SDHAF3: variants seen among roughly 807,000 people sequenced by gnomAD.
SDHAF3 encodes succinate dehydrogenase assembly factor 3, mitochondrial.
A neutral mutation model predicts 11.5 loss-of-function variants in SDHAF3; 18 were observed. The observed-to-expected ratio is 1.56, with a 90% CI of 1.08 to 2.32. The LOEUF (loss-of-function observed/expected upper bound fraction) is 2.32. Ranked by LOEUF, SDHAF3 falls within the 30% of genes most tolerant of loss-of-function variation. The pLI is 0.00. For missense variants in SDHAF3, 200 were observed against 154.4 expected, an observed-to-expected ratio of 1.30 and a Z score of -1.57; for synonymous variants, 72 against 59.3, an observed-to-expected ratio of 1.21 and a Z score of -0.99.
At chr7:97,145,733 C>G (rs931467584) in intron 1 of SDHAF3, among the ~76,000 whole-genome samples, 1 of 152,164 alleles carries the variant, frequency 6.6e-6, no homozygotes, top group African/African-American at 2.4e-5. Flanking sequence ...TTCCCTGTCG[C>G]TGTCAAGTGT....
intron 1 of SDHAF3, among the ~76,000 whole-genome samples, chr7:97,148,134 T>G (rs1309458942): frequency 6.6e-6 from 1 of 152,008 alleles, no homozygotes; most frequent in Non-Finnish European, 1.5e-5. Context: ...CCCCAAGTGA[T>G]CCACCTCAGC....
At chr7:97,176,694 A>AG (rs1368404151) in intron 1 of SDHAF3, among the ~76,000 whole-genome samples, 6 of 152,132 alleles carry the variant, frequency 3.9e-5, no homozygotes, top group African/African-American at 1.4e-4. Context: ...CTTTCTACCC[A>AG]AGATGTTCAT....
At chr7:97,164,233 CTT>C (rs148658215) in intron 1 of SDHAF3, among the ~76,000 whole-genome samples, 3 of 144,182 alleles carry the variant, frequency 2.1e-5, no homozygotes, top group East Asian at 4.1e-4. Context: ...CGCCTGGCCT[CTT>C]TTTTTTTTTG....
chr7:97,147,515 A>C (rs1789154051), intron 1 of SDHAF3, among the ~76,000 whole-genome samples: 1 of 152,194 alleles, frequency 6.6e-6, no homozygotes, highest in African/African-American at 2.4e-5. Context: ...GCATCATTGT[A>C]GGGTACTTAG....
chr7:97,139,590 T>C (rs1359096297), intron 1 of SDHAF3, among the ~76,000 whole-genome samples: 8 of 152,190 alleles, frequency 5.3e-5, no homozygotes, highest in Admixed American at 5.2e-4. Context: ...ATAGCTTGAC[T>C]TTTAGGCTTT....
intron 1 of SDHAF3, among the ~76,000 whole-genome samples, chr7:97,140,656 A>G (rs540066002): frequency 1.3e-5 from 2 of 152,180 alleles, no homozygotes; most frequent in Non-Finnish European, 2.9e-5. Context: ...TGAAGATTTC[A>G]TGGACACTTA....
In SDHAF3 at chr7:97,131,306, A is replaced by G. The variant is rs895216583; in HGVS notation, c.174+13409A>G. ...CTTCTTAATCATCTTTTTATCTTCT[A>G]CACTTCTAGCACAATATCTTGTAAA... On this transcript the variant is annotated intron_variant, in intron 1 of 1. Transcript: ENST00000432641. 2.6e-5 allele frequency among the ~76,000 whole-genome samples: 4 copies of G among 152,150 alleles called. 1 individual carries two copies. The highest frequency in any genetic ancestry group is 5.9e-5 in the Non-Finnish European group (4 of 68,026).
At chr7:97,140,870 T>G (rs992083610) in intron 1 of SDHAF3, among the ~76,000 whole-genome samples, 3 of 152,230 alleles carry the variant, frequency 2.0e-5, no homozygotes, top group African/African-American at 7.2e-5. Context: ...ACAGCAATGT[T>G]CAGGGAACAA....
At chr7:97,140,407 G>A (rs1191942557) in intron 1 of SDHAF3, among the ~76,000 whole-genome samples, 6 of 145,250 alleles carry the variant, frequency 4.1e-5, no homozygotes, top group African/African-American at 1.3e-4. Flanking sequence ...GGGCAGTGGC[G>A]TGATCTTGGC....
chr7:97,154,178 G>GA lies in SDHAF3; in HGVS notation c.175-26833dup, dbSNP rs1170574905. On this transcript the variant is annotated intron_variant, in intron 1 of 1. Coordinates refer to ENST00000432641, the MANE Select transcript of SDHAF3 (RefSeq NM_020186.3). ...ACAAAGAACCTTCTTAAGGGTGGGG[G>GA]AGATTACAAAGAACCTTCTTAAGGG... Among the ~76,000 whole-genome samples the GA allele has an allele frequency of 2.2e-5, 3 of 137,362 alleles. No individual in the cohort carries two copies. In the Admixed American group the frequency reaches 2.7e-4, roughly 12 times the overall value. 90.1% of individuals were successfully genotyped at this position (137,362 alleles called of 152,430 possible).
At chr7:97,175,937 G>A (rs1007200435) in intron 1 of SDHAF3, among the ~76,000 whole-genome samples, 6 of 152,212 alleles carry the variant, frequency 3.9e-5, no homozygotes, top group Non-Finnish European at 8.8e-5. Flanking sequence ...CTCTAGGGAA[G>A]AAATCCACAT....
At chr7:97,171,553 A>T (rs573182578) in intron 1 of SDHAF3, among the ~76,000 whole-genome samples, 11 of 152,224 alleles carry the variant, frequency 7.2e-5, no homozygotes, top group Non-Finnish European at 1.2e-4. Context: ...TAAAATATTT[A>T]AAAAGTCAAG....
chr7:97,149,599 G>T (rs1393127196), intron 1 of SDHAF3, among the ~76,000 whole-genome samples: 1 of 152,168 alleles, frequency 6.6e-6, no homozygotes, highest in Non-Finnish European at 1.5e-5. Context: ...TCTACTAAGT[G>T]TGTCGTAGCA....
At chr7:97,144,747 G>A (rs189109118) in intron 1 of SDHAF3, among the ~76,000 whole-genome samples, 72 of 152,212 alleles carry the variant, frequency 4.7e-4, no homozygotes, top group Non-Finnish European at 8.5e-4. Flanking sequence ...TGTGATGCCT[G>A]CAGATTTGTT....
intron 1 of SDHAF3, among the ~76,000 whole-genome samples, chr7:97,164,221 C>T (rs938040664): frequency 2.6e-5 from 4 of 151,494 alleles, no homozygotes; most frequent in Non-Finnish European, 5.9e-5. Flanking sequence ...CACAAGCCAC[C>T]GCGCCTGGCC....
chr7:97,135,398 T>C (rs1791736723), intron 1 of SDHAF3: 1 of 152,118 alleles, frequency 6.6e-6, no homozygotes, highest in Non-Finnish European at 1.5e-5. Context: ...TTTAGATTCC[T>C]TTCTTAGACG....
intron 1 of SDHAF3, among the ~76,000 whole-genome samples, chr7:97,167,225 C>A (rs560812195): frequency 6.6e-6 from 1 of 152,080 alleles, no homozygotes; most frequent in Non-Finnish European, 1.5e-5. Context: ...GCTGTTCTCA[C>A]GATAGTGAGT....
intron 1 of SDHAF3, among the ~76,000 whole-genome samples, chr7:97,131,445 G>A (rs954532551): frequency 6.6e-6 from 1 of 152,288 alleles, no homozygotes; most frequent in South Asian, 2.1e-4. Context: ...GATGAGAATG[G>A]AAATTGCTGG....
intron 1 of SDHAF3, among the ~76,000 whole-genome samples, chr7:97,158,243 A>C (rs1160944708): frequency 6.6e-6 from 1 of 152,118 alleles, no homozygotes; most frequent in Non-Finnish European, 1.5e-5. Context: ...CGAATATAGA[A>C]TATGAAAGCT....
Sources: allele counts gnomAD v4.1 joint callset (sites outside exome capture counted in the v4.1 genomes callset), GRCh38; gene constraint gnomAD v4.1.1; transcripts MANE v1.5; gene names NCBI Gene and HGNC (gene_info 2026-07-23, HGNC 2026-07-21).